SUPT3H: variants seen among roughly 807,000 people sequenced by gnomAD.
SUPT3H encodes SPT3 homolog, SAGA and STAGA complex component.
Under a neutral mutation model 44.3 loss-of-function variants are expected in SUPT3H, and 44 were observed. The ratio of observed to expected loss-of-function variants is 0.99; its 90% confidence interval spans 0.78 to 1.28. The LOEUF is 1.28. SUPT3H is among the 50% of genes most tolerant of loss of function. The probability of loss-of-function intolerance (pLI) is 0.00; values close to 1 mark genes in which losing one functional copy is unlikely to be tolerated. For synonymous variants in SUPT3H, 124 were observed against 125.6 expected (o/e 0.99, Z 0.09); for missense variants, 380 against 387.1 (o/e 0.98, Z 0.15).
intron 2 of SUPT3H, among the ~76,000 whole-genome samples, chr6:45,304,810 AT>A (rs1386803257): frequency 8.5e-5 from 13 of 152,210 alleles, no homozygotes; most frequent in African/African-American, 3.1e-4. Context: ...TTATACCTAG[AT>A]TCTTTTTAAG....
At chr6:45,331,257 T>C (rs1013944960) in intron 2 of SUPT3H, among the ~76,000 whole-genome samples, 2 of 152,044 alleles carry the variant, frequency 1.3e-5, no homozygotes, top group South Asian at 2.1e-4. Context: ...ATCATAAATA[T>C]AGCTTGCTGA....
chr6:44,940,744 G>A (rs76487363), intron 9 of SUPT3H, among the ~76,000 whole-genome samples: 5,300 of 152,158 alleles, frequency 0.035, 162 homozygotes, highest in African/African-American at 0.079. Flanking sequence ...TGAGCCTTCC[G>A]GTGTTGGGTG....
intron 2 of SUPT3H, among the ~76,000 whole-genome samples, chr6:45,348,033 GTGTGGATA>G (rs998164494): frequency 1.5e-4 from 23 of 148,762 alleles, no homozygotes; most frequent in African/African-American, 4.5e-4. Context: ...GTGTACACAT[GTGTGGATA>G]TGTGGATATG....
intron 2 of SUPT3H, among the ~76,000 whole-genome samples, chr6:45,141,860 G>A (rs1805270848): frequency 6.6e-6 from 1 of 152,172 alleles, no homozygotes; most frequent in African/African-American, 2.4e-5. Flanking sequence ...TCTAGCTAGA[G>A]ATCTAGACAT....
chr6:45,121,730 C>T (rs996622598), intron 2 of SUPT3H, among the ~76,000 whole-genome samples: 2 of 152,026 alleles, frequency 1.3e-5, no homozygotes, highest in African/African-American at 4.8e-5. Context: ...GGCTGGAGTG[C>T]GGTGGCGTGA....
At chr6:45,298,716 G>T (rs750568082) in intron 2 of SUPT3H, among the ~76,000 whole-genome samples, 3 of 152,002 alleles carry the variant, frequency 2.0e-5, no homozygotes, top group Non-Finnish European at 4.4e-5. Flanking sequence ...CAATGTAATT[G>T]TTACTTTTCT....
intron 10 of SUPT3H, among the ~76,000 whole-genome samples, chr6:44,841,377 G>A (rs1359640250): frequency 2.0e-5 from 3 of 152,078 alleles, no homozygotes; most frequent in African/African-American, 7.2e-5. Context: ...CTGTGAATAT[G>A]GTTTTTCCCC....
chr6:45,177,242 A>C (rs1395940069), intron 2 of SUPT3H, among the ~76,000 whole-genome samples: 3 of 152,248 alleles, frequency 2.0e-5, no homozygotes, highest in Non-Finnish European at 4.4e-5. Context: ...ATGGAGCTGA[A>C]AACCAAGGCT....
chr6:45,372,042 T>C (rs909576700), intron 1 of SUPT3H: 45 of 967,344 alleles, frequency 4.7e-5, no homozygotes, highest in Admixed American at 6.2e-5. Flanking sequence ...AAGTTTATCA[T>C]AACTAACCCA....
At chr6:45,017,034 T>TTCTAACTGGTGTGAGATGGTATCTC (rs1257294058) in intron 4 of SUPT3H, among the ~76,000 whole-genome samples, 3 of 151,666 alleles carry the variant, frequency 2.0e-5, no homozygotes, top group African/African-American at 7.3e-5. Context: ...ATGATTGCCA[T>TTCTAACTGGTGTGAGATGGTATCTC]TCTAACTGGT....
intron 10 of SUPT3H, among the ~76,000 whole-genome samples, chr6:44,903,876 C>T (rs1582385664): frequency 6.6e-6 from 1 of 152,160 alleles, no homozygotes; most frequent in South Asian, 2.1e-4. Flanking sequence ...GCTGGTTCAA[C>T]ATACGAAAAT....
chr6:44,835,365 C>T (rs1436116232), intron 10 of SUPT3H, among the ~76,000 whole-genome samples: 2 of 152,126 alleles, frequency 1.3e-5, no homozygotes, highest in Non-Finnish European at 2.9e-5. Flanking sequence ...TGCTCTGTCT[C>T]TAGGATGATC....
chr6:45,177,888 C>T (rs924009436), intron 2 of SUPT3H, among the ~76,000 whole-genome samples: 10 of 151,888 alleles, frequency 6.6e-5, no homozygotes, highest in African/African-American at 2.2e-4. Context: ...TTGTCACCAC[C>T]AGGCCTGCCC....
At chr6:45,294,654 C>A (rs764043394) in intron 2 of SUPT3H, among the ~76,000 whole-genome samples, 1 of 136,352 alleles carries the variant, frequency 7.3e-6, no homozygotes, top group Non-Finnish European at 1.5e-5. Flanking sequence ...TTATTGTACA[C>A]TAATCAGCAC....
At chr6:45,340,684 ATAAT>A (rs1789599812) in intron 2 of SUPT3H, among the ~76,000 whole-genome samples, 1 of 152,162 alleles carries the variant, frequency 6.6e-6, no homozygotes. Context: ...CTTAATCATT[ATAAT>A]TAATAGTCTT....
At chr6:45,196,945 T>A (rs916880312) in intron 2 of SUPT3H, among the ~76,000 whole-genome samples, 1 of 151,548 alleles carries the variant, frequency 6.6e-6, no homozygotes, top group Non-Finnish European at 1.5e-5. Context: ...GGATTTACCA[T>A]CTCTTCCTTG....
In SUPT3H at chr6:44,988,941, C is replaced by G. The variant is rs1272920555; in HGVS notation, c.504+14712G>C. 2.6e-5 allele frequency among the ~76,000 whole-genome samples: 4 copies of G among 151,930 alleles called. No homozygotes were observed. In the East Asian group the frequency reaches 7.7e-4, roughly 29 times the overall value. ...ATTTGGTTTCTGGGGTGGGGAGATTCAATATTATTAGAATTTATTACGAAT... is the reference window on the plus strand; with the variant it reads ...ATTTGGTTTCTGGGGTGGGGAGATTGAATATTATTAGAATTTATTACGAAT... On this transcript the variant is annotated intron_variant, in intron 6 of 10. Transcript: ENST00000371459.
chr6:45,315,960 GATAGATAGATA>G (rs1784628582), intron 2 of SUPT3H, among the ~76,000 whole-genome samples: 1 of 150,170 alleles, frequency 6.7e-6, no homozygotes, highest in Non-Finnish European at 1.5e-5. Context: ...TAGATAGATA[GATAGATAGATA>G]GATGATGGAA....
chr6:45,019,885 A>G (rs572788554), intron 4 of SUPT3H, among the ~76,000 whole-genome samples: 7 of 152,124 alleles, frequency 4.6e-5, no homozygotes, highest in African/African-American at 1.7e-4. Context: ...TATTCTTCAT[A>G]TCATCTAAGA....
Sources: allele counts gnomAD v4.1 joint callset (sites outside exome capture counted in the v4.1 genomes callset), GRCh38; gene constraint gnomAD v4.1.1; transcripts MANE v1.5; gene names NCBI Gene and HGNC (gene_info 2026-07-23, HGNC 2026-07-21).